CYP7B1: variants seen among roughly 807,000 people sequenced by gnomAD.
The protein encoded by CYP7B1 is cytochrome P450 family 7 subfamily B member 1.
A neutral mutation model predicts 42.7 loss-of-function variants in CYP7B1; 29 were observed. The ratio of observed to expected loss-of-function variants is 0.68; its 90% CI spans 0.51 to 0.93. The LOEUF (loss-of-function observed/expected upper bound fraction) is 0.93, where lower values mean the gene tolerates loss of function less well. Among genes scored for constraint, CYP7B1 ranks in the 40% least tolerant of loss-of-function variants. The probability of loss-of-function intolerance (pLI) is 0.00; values close to 1 mark genes in which losing one functional copy is unlikely to be tolerated. For missense variants in CYP7B1, 655 were observed against 600.5 expected, an observed-to-expected ratio of 1.09 and a Z score of -0.95; for synonymous variants, 235 against 218.2, an observed-to-expected ratio of 1.08 and a Z score of -0.68.
At chr8:64,778,403 A>G (rs1176561656) in intron 1 of CYP7B1, among the ~76,000 whole-genome samples, 2 of 151,988 alleles carry the variant, frequency 1.3e-5, no homozygotes, top group Non-Finnish European at 2.9e-5. Flanking sequence ...ATCCAAAACA[A>G]GATTAAAAGT....
chr8:64,706,367 A>G (rs1407050480), intron 1 of CYP7B1, among the ~76,000 whole-genome samples: 4 of 152,002 alleles, frequency 2.6e-5, no homozygotes, highest in Non-Finnish European at 5.9e-5. Context: ...AACTAGGAGG[A>G]TGGTTGTTCC....
intron 1 of CYP7B1, among the ~76,000 whole-genome samples, chr8:64,689,515 T>C (rs1047027078): frequency 6.6e-5 from 10 of 152,202 alleles, no homozygotes; most frequent in Admixed American, 1.3e-4. Flanking sequence ...ATTGTTTTTA[T>C]AGGTTATATG....
chr8:64,600,759 C>G (rs527878731), intron 5 of CYP7B1, among the ~76,000 whole-genome samples: 1 of 152,082 alleles, frequency 6.6e-6, no homozygotes, highest in Non-Finnish European at 1.5e-5. Flanking sequence ...CACTACAAAT[C>G]AGGGCTCAGA....
intron 1 of CYP7B1, among the ~76,000 whole-genome samples, chr8:64,761,287 T>A (rs1224761759): frequency 6.6e-6 from 1 of 152,132 alleles, no homozygotes; most frequent in Non-Finnish European, 1.5e-5. Flanking sequence ...CTAAAATTAA[T>A]AATAATATAT....
At chr8:64,773,924 C>G (rs1804279120) in intron 1 of CYP7B1, among the ~76,000 whole-genome samples, 1 of 152,230 alleles carries the variant, frequency 6.6e-6, no homozygotes, top group Non-Finnish European at 1.5e-5. Flanking sequence ...ATTAATCCAT[C>G]AGTCCATTCA....
chr8:64,782,833 T>C (rs1009190190), intron 1 of CYP7B1, among the ~76,000 whole-genome samples: 3 of 152,156 alleles, frequency 2.0e-5, no homozygotes, highest in African/African-American at 7.2e-5. Flanking sequence ...AACAACAAAA[T>C]GTTTTATTTT....
At chr8:64,654,294 C>G (rs1185105054) in intron 1 of CYP7B1, among the ~76,000 whole-genome samples, 1 of 152,262 alleles carries the variant, frequency 6.6e-6, no homozygotes, top group African/African-American at 2.4e-5. Flanking sequence ...CCCAAAAGCT[C>G]CTTCAGTTGA....
intron 1 of CYP7B1, among the ~76,000 whole-genome samples, chr8:64,693,027 T>G (rs1806770972): frequency 6.6e-6 from 1 of 152,256 alleles, no homozygotes; most frequent in African/African-American, 2.4e-5. Context: ...TGTCCCAGCA[T>G]TAAGACATCC....
intron 1 of CYP7B1, among the ~76,000 whole-genome samples, chr8:64,717,532 A>G (rs1261475940): frequency 6.6e-6 from 1 of 152,146 alleles, no homozygotes; most frequent in Non-Finnish European, 1.5e-5. Context: ...ACAGCCCACC[A>G]TGTCCATTCG....
At chr8:64,707,972 T>C (rs1195428049) in intron 1 of CYP7B1, among the ~76,000 whole-genome samples, 2 of 152,130 alleles carry the variant, frequency 1.3e-5, no homozygotes, top group East Asian at 3.9e-4. Flanking sequence ...ATCATATAAT[T>C]CTAATCCCCT....
chr8:64,781,186 T>A (rs1189630557), intron 1 of CYP7B1, among the ~76,000 whole-genome samples: 1 of 152,142 alleles, frequency 6.6e-6, no homozygotes, highest in African/African-American at 2.4e-5. Flanking sequence ...CTTTCCATCC[T>A]GCTCCTCATA....
At chr8:64,665,419 A>G (rs1458167534) in intron 1 of CYP7B1, among the ~76,000 whole-genome samples, 1 of 152,214 alleles carries the variant, frequency 6.6e-6, no homozygotes, top group East Asian at 1.9e-4. Context: ...GAAATGCTGG[A>G]GGAGTGCATT....
intron 1 of CYP7B1, among the ~76,000 whole-genome samples, chr8:64,764,229 G>GCTCCCCCCCCCCCCCCCC (rs1554539986): frequency 8.0e-6 from 1 of 125,150 alleles, no homozygotes; most frequent in African/African-American, 3.1e-5. Context: ...CTTCCACGCT[G>GCTCCCCCCCCCCCCCCCC]CCCCCCCCAC....
At chr8:64,705,627 G>C (rs1806987845) in intron 1 of CYP7B1, among the ~76,000 whole-genome samples, 1 of 151,824 alleles carries the variant, frequency 6.6e-6, no homozygotes, top group Non-Finnish European at 1.5e-5. Context: ...ACTTAGAATT[G>C]ACGGTTTTGC....
intron 5 of CYP7B1, among the ~76,000 whole-genome samples, chr8:64,598,133 T>A (rs1342823848): frequency 6.6e-6 from 1 of 152,198 alleles, no homozygotes. Flanking sequence ...TAGTTCCCAT[T>A]TCCTTCCAAC....
chr8:64,626,051 C>T (rs1429792719), intron 1 of CYP7B1, among the ~76,000 whole-genome samples: 3 of 152,096 alleles, frequency 2.0e-5, no homozygotes, highest in Non-Finnish European at 2.9e-5. Flanking sequence ...GATTTATCAC[C>T]GAGTTTAGAA....
chr8:64,699,904 T>A (rs1289291942), intron 1 of CYP7B1, among the ~76,000 whole-genome samples: 2 of 152,110 alleles, frequency 1.3e-5, no homozygotes, highest in African/African-American at 4.8e-5. Flanking sequence ...GAATGAAATA[T>A]GAGTTGCATC....
At chr8:64,691,488 G>T (rs981138174) in intron 1 of CYP7B1, among the ~76,000 whole-genome samples, 1 of 148,534 alleles carries the variant, frequency 6.7e-6, no homozygotes, top group African/African-American at 2.5e-5. Context: ...CAACTGGGGG[G>T]GGGGGGTGGT....
chr8:64,769,393 C>T (rs945933702), intron 1 of CYP7B1, among the ~76,000 whole-genome samples: 1 of 152,224 alleles, frequency 6.6e-6, no homozygotes, highest in Non-Finnish European at 1.5e-5. Context: ...GGCACACGAG[C>T]ATGTTTTTGT....
Sources: allele counts gnomAD v4.1 joint callset (sites outside exome capture counted in the v4.1 genomes callset), GRCh38; gene constraint gnomAD v4.1.1; transcripts MANE v1.5; gene names NCBI Gene and HGNC (gene_info 2026-07-23, HGNC 2026-07-21).